KIAA1217: variants seen among roughly 807,000 people sequenced by gnomAD.
KIAA1217 encodes KIAA1217, also known as sickle tail protein homolog.
Under a neutral mutation model 163.9 loss-of-function variants are expected in KIAA1217, and 88 were observed. That is an observed-to-expected ratio of 0.54 (90% CI 0.45 to 0.64). The LOEUF (loss-of-function observed/expected upper bound fraction) is 0.64. Ranked by LOEUF, KIAA1217 falls within the 30% of genes least tolerant of loss-of-function variation. KIAA1217 has a pLI of 0.00. For synonymous variants in KIAA1217, 903 were observed against 923.1 expected, an observed-to-expected ratio of 0.98 and a Z score of 0.39; for missense variants, 2,372 against 2,475.0, an observed-to-expected ratio of 0.96 and a Z score of 0.88.
rs376133012 is a variant in KIAA1217 at position 23,841,827 on chromosome 10, C to CTTTATTTTATTTTAT, written c.-321+146637_-321+146651dup. ...TAAGGGGACTCCCACACCATTGGGA[C>CTTTATTTTATTTTAT]TTTATTTTATTTTATTTTATTTTAT... On this transcript the variant is annotated intron_variant, in intron 1 of 18. Coordinates refer to the KIAA1217 transcript ENST00000376462. 3.4e-3 allele frequency among the ~76,000 whole-genome samples: 453 copies of CTTTATTTTATTTTAT among 133,566 alleles called. 2 individuals carry two copies. Among genetic ancestry groups the CTTTATTTTATTTTAT allele is most frequent in the African/African-American group, 0.012 (419 of 34,198 alleles). 87.6% of individuals were successfully genotyped at this position (133,566 alleles called of 152,430 possible).
rs573384788 is a variant in KIAA1217 at position 23,856,831 on chromosome 10, C to G, written c.-320-150394C>G. ...CTGCCAGCCATGTGCGGGATATAAT[C>G]TCCTGGTGCGCCTTTTTTTAAGCCC... On this transcript the variant is annotated intron_variant, in intron 1 of 18. Coordinates refer to the KIAA1217 transcript ENST00000376462. 1.8e-3 allele frequency among the ~76,000 whole-genome samples: 268 copies of G among 152,374 alleles called. 1 individual carries two copies. The highest frequency in any genetic ancestry group is 2.7e-3 in the Non-Finnish European group (187 of 68,036).
chr10:23,799,853 C>T (rs1836386579), intron 1 of KIAA1217, among the ~76,000 whole-genome samples: 1 of 152,106 alleles, frequency 6.6e-6, no homozygotes, highest in Non-Finnish European at 1.5e-5. Context: ...TAAAAAGGAG[C>T]TTATGTTCAA....
chr10:23,991,289 C>T (rs998365397), intron 1 of KIAA1217, among the ~76,000 whole-genome samples: 1 of 152,154 alleles, frequency 6.6e-6, no homozygotes, highest in African/African-American at 2.4e-5. Flanking sequence ...TGCTGAGACA[C>T]CATTTTCTTG....
intron 1 of KIAA1217, among the ~76,000 whole-genome samples, chr10:23,932,701 G>C (rs1002716622): frequency 2.0e-5 from 3 of 152,092 alleles, no homozygotes; most frequent in African/African-American, 7.2e-5. Context: ...TAAAAAACAT[G>C]AGTTCTGAAG....
At chr10:23,921,448 T>C (rs1376482068) in intron 1 of KIAA1217, among the ~76,000 whole-genome samples, 1 of 152,196 alleles carries the variant, frequency 6.6e-6, no homozygotes, top group African/African-American at 2.4e-5. Context: ...TTGTTGTCAC[T>C]TCCTTCTCTC....
chr10:24,081,338 G>A (rs1054744752), intron 2 of KIAA1217, among the ~76,000 whole-genome samples: 5 of 152,128 alleles, frequency 3.3e-5, no homozygotes, highest in South Asian at 2.1e-4. Flanking sequence ...CAGGACACCC[G>A]ATGTGAGCTG....
chr10:24,359,574 T>G (rs147377077), intron 2 of KIAA1217, among the ~76,000 whole-genome samples: 1 of 152,352 alleles, frequency 6.6e-6, no homozygotes, highest in Non-Finnish European at 1.5e-5. Flanking sequence ...TAAGGTAATA[T>G]GCCCAAAGTC....
intron 1 of KIAA1217, among the ~76,000 whole-genome samples, chr10:23,966,563 T>G (rs930251889): frequency 6.6e-6 from 1 of 152,174 alleles, no homozygotes; most frequent in Non-Finnish European, 1.5e-5. Context: ...GTTTGCAGCC[T>G]TCATTCTTGC....
At chr10:24,183,300 T>A (rs999870631) in intron 2 of KIAA1217, among the ~76,000 whole-genome samples, 1 of 152,198 alleles carries the variant, frequency 6.6e-6, no homozygotes, top group Admixed American at 6.5e-5. Context: ...ACAAAATGGA[T>A]GAAGACACAT....
At chr10:24,507,958 C>CCTTTAAAGTATTGAAA (rs1457768540) in intron 9 of KIAA1217, among the ~76,000 whole-genome samples, 8 of 152,150 alleles carry the variant, frequency 5.3e-5, no homozygotes, top group Non-Finnish European at 4.4e-5. Context: ...AGTGGAATGA[C>CCTTTAAAGTATTGAAA]GTCTTTAAAG....
intron 1 of KIAA1217, among the ~76,000 whole-genome samples, chr10:23,709,790 C>T (rs1274888674): frequency 2.6e-5 from 4 of 152,080 alleles, no homozygotes; most frequent in Non-Finnish European, 5.9e-5. Flanking sequence ...AGATACAAAG[C>T]CTAGAGAGAT....
At chr10:23,781,298 T>C (rs950558394) in intron 1 of KIAA1217, among the ~76,000 whole-genome samples, 2 of 152,220 alleles carry the variant, frequency 1.3e-5, no homozygotes, top group East Asian at 1.9e-4. Flanking sequence ...TTTTTGATAA[T>C]AGCCATACTA....
chr10:24,495,083 T>C, intron 7 of KIAA1217, 64 bp from the exon 8 acceptor site: 1 of 1,189,754 alleles, frequency 8.4e-7, no homozygotes. Flanking sequence ...TGGAATGGGC[T>C]TTAAAAAAAA....
At chr10:23,707,092 T>C (rs1343706432) in intron 1 of KIAA1217, among the ~76,000 whole-genome samples, 3 of 152,310 alleles carry the variant, frequency 2.0e-5, no homozygotes, top group African/African-American at 7.2e-5. Context: ...TAGACCTGAC[T>C]CCTGTCCTAT....
chr10:23,702,849 T>C (rs1354758461), intron 1 of KIAA1217, among the ~76,000 whole-genome samples: 1 of 152,200 alleles, frequency 6.6e-6, no homozygotes, highest in Non-Finnish European at 1.5e-5. Context: ...AAATGTAGCC[T>C]CCGGAGTAGC....
intron 1 of KIAA1217, among the ~76,000 whole-genome samples, chr10:24,003,187 G>A (rs368716950): frequency 1.4e-4 from 21 of 152,130 alleles, no homozygotes; most frequent in African/African-American, 4.8e-4. Flanking sequence ...TAGGATTGCT[G>A]GATTGATTGG....
At chr10:23,724,826 A>G (rs1838048561) in intron 1 of KIAA1217, among the ~76,000 whole-genome samples, 1 of 152,138 alleles carries the variant, frequency 6.6e-6, no homozygotes, top group Non-Finnish European at 1.5e-5. Context: ...ATTAATTGTC[A>G]TTGAGTTAAC....
intron 1 of KIAA1217, among the ~76,000 whole-genome samples, chr10:23,929,148 AT>A (rs950047830): frequency 1.4e-4 from 21 of 152,182 alleles, no homozygotes; most frequent in Non-Finnish European, 2.9e-4. Flanking sequence ...TATTATTATT[AT>A]TTTAATATTG....
chr10:24,372,725 T>G, intron 2 of KIAA1217, among the ~76,000 whole-genome samples: 1 of 152,238 alleles, frequency 6.6e-6, no homozygotes, highest in East Asian at 1.9e-4. Context: ...GGCTCTATTG[T>G]GTCCAATTAC....
Sources: gnomAD v4.1 joint callset for allele counts (sites outside exome capture counted in the v4.1 genomes callset) on GRCh38, gnomAD v4.1.1 for gene constraint, MANE v1.5 for transcripts, NCBI Gene and HGNC (gene_info 2026-07-23, HGNC 2026-07-21) for gene names.